Variants in TRABD2B observed in about 807,000 individuals in gnomAD.
TRABD2B encodes the protein metalloprotease TIKI2.
TRABD2B carries 14 observed loss-of-function variants against 40.1 expected under a neutral mutation model. The ratio of observed to expected loss-of-function variants is 0.35; its 90% CI spans 0.23 to 0.55. The LOEUF is 0.55. Among genes scored for constraint, TRABD2B ranks in the 20% least tolerant of loss-of-function variants. The pLI, the probability that TRABD2B is intolerant of heterozygous loss-of-function variation, is 0.90. For missense variants in TRABD2B, 541 were observed against 648.6 expected (o/e 0.83, Z 1.80); for synonymous variants, 263 against 277.0 (o/e 0.95, Z 0.50).
intron 3 of TRABD2B, among the ~76,000 whole-genome samples, chr1:47,797,737 G>C (rs1644767217): frequency 6.6e-6 from 1 of 152,080 alleles, no homozygotes; most frequent in African/African-American, 2.4e-5. Context: ...GCCACGGCTG[G>C]GATGGAAGCA....
chr1:47,958,139 C>G (rs560179616), intron 2 of TRABD2B, among the ~76,000 whole-genome samples: 2 of 150,544 alleles, frequency 1.3e-5, no homozygotes, highest in East Asian at 2.0e-4. Flanking sequence ...AAATAAAATA[C>G]TTTACAGACA....
At chr1:47,834,364 G>T (rs1208231193) in intron 2 of TRABD2B, among the ~76,000 whole-genome samples, 1 of 152,180 alleles carries the variant, frequency 6.6e-6, no homozygotes, top group Non-Finnish European at 1.5e-5. Flanking sequence ...GCTCTGAGAA[G>T]CTCCAACATA....
At chr1:47,950,240 G>A (rs571529540) in intron 2 of TRABD2B, among the ~76,000 whole-genome samples, 6 of 152,102 alleles carry the variant, frequency 3.9e-5, no homozygotes, top group East Asian at 3.9e-4. Flanking sequence ...AGCCGAGATC[G>A]GGCCACTGCA....
At chr1:47,772,233 C>T (rs183408028) in intron 6 of TRABD2B, among the ~76,000 whole-genome samples, 14 of 152,100 alleles carry the variant, frequency 9.2e-5, no homozygotes, top group Non-Finnish European at 1.3e-4. Flanking sequence ...CTACCTTCCA[C>T]AATTCTTGAC....
intron 2 of TRABD2B, among the ~76,000 whole-genome samples, chr1:47,910,846 G>C (rs368235131): frequency 7.7e-4 from 117 of 152,326 alleles, no homozygotes; most frequent in African/African-American, 2.3e-3. Context: ...TGGCCACCCA[G>C]AAGAGACCCC....
intron 4 of TRABD2B, among the ~76,000 whole-genome samples, chr1:47,792,163 G>A (rs1644683722): frequency 6.6e-6 from 1 of 152,208 alleles, no homozygotes; most frequent in South Asian, 2.1e-4. Context: ...GGATTCATGA[G>A]AGCGGAGGTG....
chr1:47,790,305 C>A (rs910877428), intron 4 of TRABD2B, among the ~76,000 whole-genome samples: 9 of 152,200 alleles, frequency 5.9e-5, no homozygotes, highest in African/African-American at 2.2e-4. Context: ...TTTTCCTCCC[C>A]TCTGGATGAC....
intron 4 of TRABD2B, among the ~76,000 whole-genome samples, chr1:47,793,499 C>T (rs995186995): frequency 6.6e-6 from 1 of 152,174 alleles, no homozygotes; most frequent in African/African-American, 2.4e-5. Context: ...CCACAAGGGC[C>T]CTGGTGGGTT....
intron 2 of TRABD2B, among the ~76,000 whole-genome samples, chr1:47,970,755 T>C (rs963536509): frequency 3.3e-5 from 5 of 152,186 alleles, no homozygotes; most frequent in Admixed American, 1.3e-4. Flanking sequence ...AGGTCTGCTG[T>C]GTGCATTCTG....
At chr1:47,938,876 G>A (rs11577547) in intron 2 of TRABD2B, among the ~76,000 whole-genome samples, 3,546 of 152,234 alleles carry the variant, frequency 0.023, 108 homozygotes, top group Admixed American at 0.09. Context: ...GAGGATAAGA[G>A]GTTGACTTTA....
chr1:47,938,873 A>T (rs548377443), intron 2 of TRABD2B, among the ~76,000 whole-genome samples: 1 of 152,288 alleles, frequency 6.6e-6, no homozygotes, highest in South Asian at 2.1e-4. Context: ...GAGGAGGATA[A>T]GAGGTTGACT....
At chr1:47,962,250 T>C (rs144965881) in intron 2 of TRABD2B, among the ~76,000 whole-genome samples, 1,961 of 152,088 alleles carry the variant, frequency 0.013, 54 homozygotes, top group African/African-American at 0.045. Flanking sequence ...CATTAGGAGA[T>C]ATACCTAATG....
chr1:47,993,754 G>A (rs557419948), intron 2 of TRABD2B, among the ~76,000 whole-genome samples: 1 of 152,306 alleles, frequency 6.6e-6, no homozygotes, highest in African/African-American at 2.4e-5. Context: ...TTTCTGCCCA[G>A]GCAAGCACAG....
At chr1:47,789,821 G>A (rs1282265468) in intron 4 of TRABD2B, among the ~76,000 whole-genome samples, 1 of 151,806 alleles carries the variant, frequency 6.6e-6, no homozygotes, top group Non-Finnish European at 1.5e-5. Context: ...TCCCCACCTT[G>A]CTGCCTTCTT....
At chr1:47,794,106 GC>G (rs1307855866) in intron 4 of TRABD2B, among the ~76,000 whole-genome samples, 2 of 152,182 alleles carry the variant, frequency 1.3e-5, no homozygotes, top group African/African-American at 2.4e-5. Flanking sequence ...TGCTATCACT[GC>G]CCATTTATAT....
chr1:47,797,200 G>A (rs1429002180), intron 3 of TRABD2B, among the ~76,000 whole-genome samples: 1 of 152,196 alleles, frequency 6.6e-6, no homozygotes, highest in Non-Finnish European at 1.5e-5. Flanking sequence ...GGTAACATGG[G>A]GGTAACACAC....
Position 47,762,441 on chromosome 1 carries a change from TTCCTTTTGGTAGAAGGACTTTCCC to T in TRABD2B, c.*3437_*3460del. The T allele has an allele frequency of 6.6e-6, 1 of 152,322 alleles. No individual in the cohort carries two copies. The highest frequency in any genetic ancestry group is 1.9e-4 in the East Asian group (1 of 5,186). 9.4% of individuals were successfully genotyped at this position (152,322 alleles called of 1,614,324 possible). On this transcript the variant is annotated 3_prime_UTR_variant, in exon 7 of 7. Coordinates refer to ENST00000606738, the MANE Select transcript of TRABD2B (RefSeq NM_001194986.2). ...TCCTTCACAGCATTTTCAATAGACT[TTCCTTTTGGTAGAAGGACTTTCCC>T]TCCTCTTTGGGATCCACTGTGACAA...
chr1:47,778,402 G>T, intron 5 of TRABD2B, 52 bp downstream of exon 5: 1 of 1,339,764 alleles, frequency 7.5e-7, no homozygotes, highest in South Asian at 1.2e-5. Flanking sequence ...CTGAAAGCCT[G>T]GGCAGGAAGG....
intron 2 of TRABD2B, among the ~76,000 whole-genome samples, chr1:47,812,024 T>C (rs1270596407): frequency 6.6e-6 from 1 of 152,246 alleles, no homozygotes; most frequent in Non-Finnish European, 1.5e-5. Context: ...GAGCAGTAAG[T>C]GGCATCCCTT....
Sources: allele counts gnomAD v4.1 joint callset (sites outside exome capture counted in the v4.1 genomes callset), GRCh38; gene constraint gnomAD v4.1.1; transcripts MANE v1.5; gene names NCBI Gene and HGNC (gene_info 2026-07-23, HGNC 2026-07-21).